The following SUGCT variants were observed in gnomAD, a reference collection of about 807,000 sequenced individuals.
SUGCT encodes succinyl-CoA:glutarate-CoA transferase, also known as succinyl-CoA:glutarate CoA-transferase.
A neutral mutation model predicts 55.0 loss-of-function variants in SUGCT; 41 were observed. The observed-to-expected ratio is 0.74, with a 90% CI of 0.58 to 0.97. The LOEUF is 0.97. SUGCT is among the 50% of genes least tolerant of loss of function. The probability of loss-of-function intolerance (pLI) is 0.00; values close to 1 mark genes in which losing one functional copy is unlikely to be tolerated. For synonymous variants in SUGCT, 187 were observed against 200.4 expected (o/e 0.93, Z 0.56); for missense variants, 568 against 547.8 (o/e 1.04, Z -0.37).
intron 13 of SUGCT, among the ~76,000 whole-genome samples, chr7:40,810,287 A>T (rs1791341015): frequency 6.6e-6 from 1 of 152,072 alleles, no homozygotes. Flanking sequence ...ATACCTAGTA[A>T]TGGGATTGCT....
At chr7:40,966,561 T>C in the SUGCT span, 1 of 152,154 alleles carries the variant, frequency 6.6e-6, no homozygotes, top group Non-Finnish European at 1.5e-5. Flanking sequence ...TGCCCACCTG[T>C]TAAATTGGTT....
chr7:40,925,729 C>T, the SUGCT span, among the ~76,000 whole-genome samples: 4 of 152,042 alleles, frequency 2.6e-5, no homozygotes. Context: ...GATGTATTCA[C>T]AATACAAATT....
intron 12 of SUGCT, among the ~76,000 whole-genome samples, chr7:40,551,545 C>T (rs543931753): frequency 8.5e-5 from 13 of 152,122 alleles, no homozygotes; most frequent in African/African-American, 1.7e-4. Flanking sequence ...ATGTTGTGCT[C>T]GGTCATAATA....
chr7:40,983,654 T>C, the SUGCT span, among the ~76,000 whole-genome samples: 1 of 152,186 alleles, frequency 6.6e-6, no homozygotes, highest in Non-Finnish European at 1.5e-5. Context: ...TATAATTGCT[T>C]CATTTTTGTG....
intron 8 of SUGCT, among the ~76,000 whole-genome samples, chr7:40,302,934 C>T (rs1021995892): frequency 2.0e-5 from 3 of 152,164 alleles, no homozygotes; most frequent in Admixed American, 6.5e-5. Context: ...TAGGCATCTC[C>T]ACCTGGACAT....
At chr7:40,383,042 A>G (rs1186313532) in intron 9 of SUGCT, among the ~76,000 whole-genome samples, 1 of 152,184 alleles carries the variant, frequency 6.6e-6, no homozygotes, top group Non-Finnish European at 1.5e-5. Flanking sequence ...CACCCCCTGC[A>G]AAGTGGAGAT....
chr7:40,210,888 CA>C (rs1187157025), intron 6 of SUGCT, among the ~76,000 whole-genome samples: 6 of 152,050 alleles, frequency 3.9e-5, no homozygotes, highest in African/African-American at 1.4e-4. Flanking sequence ...CAGAATGAGT[CA>C]GGGTGGTGTA....
chr7:40,450,166 G>A (rs1440842846), intron 10 of SUGCT, among the ~76,000 whole-genome samples: 2 of 151,910 alleles, frequency 1.3e-5, no homozygotes, highest in Non-Finnish European at 2.9e-5. Context: ...GACCTCAAGC[G>A]ACCTGCCCAC....
intron 6 of SUGCT, among the ~76,000 whole-genome samples, chr7:40,213,538 C>T (rs939911450): frequency 1.5e-4 from 23 of 152,142 alleles, no homozygotes; most frequent in African/African-American, 5.1e-4. Flanking sequence ...CAGGTTTCTC[C>T]ACTATAAATT....
chr7:40,301,806 C>T (rs560671428), intron 8 of SUGCT, among the ~76,000 whole-genome samples: 1 of 152,128 alleles, frequency 6.6e-6, no homozygotes. Flanking sequence ...TGTCTAAGTT[C>T]ATTTATTTTG....
intron 6 of SUGCT, among the ~76,000 whole-genome samples, chr7:40,198,806 G>C (rs1212345577): frequency 6.6e-6 from 1 of 151,838 alleles, no homozygotes; most frequent in African/African-American, 2.4e-5. Context: ...AGACCAGCCT[G>C]ACCAACATGA....
chr7:40,266,923 G>A (rs1209326585), intron 7 of SUGCT, among the ~76,000 whole-genome samples: 1 of 151,906 alleles, frequency 6.6e-6, no homozygotes, highest in Admixed American at 6.6e-5. Context: ...GGCTGAGGCA[G>A]AAGAATCACT....
intron 7 of SUGCT, among the ~76,000 whole-genome samples, chr7:40,258,082 C>T (rs1217871389): frequency 4.6e-5 from 7 of 152,104 alleles, no homozygotes; most frequent in Non-Finnish European, 8.8e-5. Flanking sequence ...ATGCCAACAT[C>T]CACTCCACTT....
At chr7:40,905,435 A>G in the SUGCT span, among the ~76,000 whole-genome samples, 3 of 152,336 alleles carry the variant, frequency 2.0e-5, no homozygotes, top group Admixed American at 6.5e-5. Flanking sequence ...ATTAATTATG[A>G]TATTTGTAGG....
chr7:40,900,908 C>A, the SUGCT span, among the ~76,000 whole-genome samples: 1 of 152,130 alleles, frequency 6.6e-6, no homozygotes, highest in East Asian at 1.9e-4. Context: ...ACGTGCAATT[C>A]AAAATATAAG....
chr7:40,141,742 C>G (rs1261951444), intron 1 of SUGCT: 1 of 240,070 alleles, frequency 4.2e-6, no homozygotes, highest in African/African-American at 2.3e-5. Context: ...GGGTCTGACT[C>G]CAGTAGCCCA....
intron 13 of SUGCT, among the ~76,000 whole-genome samples, chr7:40,808,772 A>G (rs1448496023): frequency 6.6e-6 from 1 of 152,106 alleles, no homozygotes; most frequent in African/African-American, 2.4e-5. Context: ...TCTCTTGGAG[A>G]TTTTATGAGA....
intron 9 of SUGCT, among the ~76,000 whole-genome samples, chr7:40,399,465 T>G (rs1234480307): frequency 6.6e-6 from 1 of 152,206 alleles, no homozygotes; most frequent in African/African-American, 2.4e-5. Context: ...TCAAACCAGC[T>G]TGATTCATGG....
intron 9 of SUGCT, among the ~76,000 whole-genome samples, chr7:40,354,930 G>A (rs888769749): frequency 6.6e-6 from 1 of 152,096 alleles, no homozygotes; most frequent in African/African-American, 2.4e-5. Context: ...TATGACTCTT[G>A]TCCACAAATG....
Sources: gnomAD v4.1 joint callset for allele counts (sites outside exome capture counted in the v4.1 genomes callset) on GRCh38, gnomAD v4.1.1 for gene constraint, MANE v1.5 for transcripts, NCBI Gene and HGNC (gene_info 2026-07-23, HGNC 2026-07-21) for gene names.